Variants in ERC2 observed in about 807,000 individuals in gnomAD.
The protein encoded by ERC2 is ELKS/RAB6-interacting/CAST family member 2.
A neutral mutation model predicts 114.8 loss-of-function variants in ERC2; 42 were observed. That is an observed-to-expected ratio of 0.37 (90% CI 0.29 to 0.47). The LOEUF (loss-of-function observed/expected upper bound fraction) is 0.47, where lower values mean the gene tolerates loss of function less well. ERC2 is among the 20% of genes least tolerant of loss of function. The probability of loss-of-function intolerance (pLI) is 0.99; values close to 1 mark genes in which losing one functional copy is unlikely to be tolerated. For missense variants in ERC2, 939 were observed against 1,150.7 expected (o/e 0.82, Z 2.66); for synonymous variants, 454 against 425.5 (o/e 1.07, Z -0.82).
chr3:55,594,543 G>A (rs952939397), intron 17 of ERC2, among the ~76,000 whole-genome samples: 3 of 151,980 alleles, frequency 2.0e-5, no homozygotes. Flanking sequence ...GTATAGTGGC[G>A]CGATTTTGAC....
At chr3:56,136,239 C>T (rs976356937) in intron 6 of ERC2, among the ~76,000 whole-genome samples, 52 of 152,052 alleles carry the variant, frequency 3.4e-4, no homozygotes, top group African/African-American at 1.1e-3. Flanking sequence ...TAAGCCATGA[C>T]GTCTGTCATT....
At chr3:56,409,198 G>A (rs1256142285) in intron 2 of ERC2, among the ~76,000 whole-genome samples, 1 of 152,212 alleles carries the variant, frequency 6.6e-6, no homozygotes, top group African/African-American at 2.4e-5. Flanking sequence ...TCTGCTCAGA[G>A]TGTATGCGTG....
chr3:56,095,226 G>A (rs536222356), intron 6 of ERC2, among the ~76,000 whole-genome samples: 1 of 152,024 alleles, frequency 6.6e-6, no homozygotes, highest in East Asian at 1.9e-4. Context: ...TAGGACATGG[G>A]CTCAAAAACA....
chr3:56,155,506 CAG>C (rs1560271795), intron 4 of ERC2, among the ~76,000 whole-genome samples: 3 of 152,014 alleles, frequency 2.0e-5, no homozygotes, highest in Admixed American at 6.6e-5. Flanking sequence ...ATCCACTCTC[CAG>C]AATACCAAAT....
intron 3 of ERC2, among the ~76,000 whole-genome samples, chr3:56,271,784 C>T (rs1199618024): frequency 6.6e-6 from 1 of 152,114 alleles, no homozygotes; most frequent in East Asian, 1.9e-4. Flanking sequence ...AAGTAGGTCC[C>T]AGTGTCTATT....
chr3:55,976,956 G>T (rs1318071895), intron 12 of ERC2, among the ~76,000 whole-genome samples: 1 of 152,184 alleles, frequency 6.6e-6, no homozygotes, highest in East Asian at 1.9e-4. Context: ...CTTTATAAAA[G>T]AAGTCAAAGG....
chr3:56,267,397 T>C (rs1235490201), intron 3 of ERC2, among the ~76,000 whole-genome samples: 1 of 152,108 alleles, frequency 6.6e-6, no homozygotes, highest in African/African-American at 2.4e-5. Flanking sequence ...CACTTACATG[T>C]GGAATGTTTT....
In ERC2 at chr3:56,468,426, G is replaced by A. The variant is rs1173263022; in HGVS notation, c.-319C>T. On this transcript the variant is annotated 5_prime_UTR_variant, in exon 1 of 18. Transcript: ENST00000288221. ...CGGGGAACAGGGAGGGAGGAAAGAA[G>A]GGAAGGAGGAGGACACTGCTCGGAG... The A allele has an allele frequency of 6.6e-6, 1 of 152,434 alleles. No homozygotes were observed. Among genetic ancestry groups the A allele is most frequent in the East Asian group, 1.9e-4 (1 of 5,182 alleles). The allele number at this position is 152,434 out of a possible 1,614,324, so 9.4% of individuals were successfully genotyped here.
At chr3:56,384,712 ATTT>A (rs2059874218) in intron 2 of ERC2, among the ~76,000 whole-genome samples, 1 of 152,126 alleles carries the variant, frequency 6.6e-6, no homozygotes, top group African/African-American at 2.4e-5. Flanking sequence ...ATGTAGTTCA[ATTT>A]AACTATTTTT....
intron 3 of ERC2, among the ~76,000 whole-genome samples, chr3:56,243,077 A>G (rs1466212728): frequency 2.0e-5 from 3 of 152,180 alleles, no homozygotes; most frequent in Non-Finnish European, 4.4e-5. Flanking sequence ...TAATACAGAG[A>G]GTACTCCATG....
intron 1 of ERC2, among the ~76,000 whole-genome samples, chr3:56,454,261 A>G (rs188105217): frequency 7.2e-5 from 11 of 152,248 alleles, no homozygotes; most frequent in Admixed American, 5.9e-4. Context: ...CAGTTTCTCC[A>G]CTTACTTAGG....
At chr3:55,775,574 AAATAAAT>A (rs2068536942) in intron 14 of ERC2, among the ~76,000 whole-genome samples, 3 of 150,722 alleles carry the variant, frequency 2.0e-5, no homozygotes, top group Non-Finnish European at 3.0e-5. Context: ...ATAAATAAAT[AAATAAAT>A]AAAAAAGGAA....
intron 12 of ERC2, among the ~76,000 whole-genome samples, chr3:55,961,298 T>A (rs2068343735): frequency 6.6e-6 from 1 of 152,176 alleles, no homozygotes; most frequent in Non-Finnish European, 1.5e-5. Context: ...TTCTAGAAAC[T>A]GTTTACCTCA....
chr3:55,551,007 C>T (rs1441783796), intron 17 of ERC2, among the ~76,000 whole-genome samples: 2 of 143,812 alleles, frequency 1.4e-5, no homozygotes, highest in East Asian at 4.1e-4. Context: ...CAAAGCAAGA[C>T]TCCGTCTCAA....
chr3:56,269,426 C>T (rs898790234), intron 3 of ERC2, among the ~76,000 whole-genome samples: 14 of 152,210 alleles, frequency 9.2e-5, no homozygotes, highest in African/African-American at 3.1e-4. Flanking sequence ...GGTGAGTCTG[C>T]TCAGACCCTC....
At chr3:56,206,548 A>G (rs2048749763) in intron 3 of ERC2, among the ~76,000 whole-genome samples, 1 of 152,234 alleles carries the variant, frequency 6.6e-6, no homozygotes, top group Non-Finnish European at 1.5e-5. Flanking sequence ...GTTAATTTTT[A>G]TCCATTATAA....
At chr3:55,946,768 G>C (rs1229054006) in intron 13 of ERC2, among the ~76,000 whole-genome samples, 1 of 151,986 alleles carries the variant, frequency 6.6e-6, no homozygotes, top group Non-Finnish European at 1.5e-5. Context: ...TGTTCTCCTT[G>C]TCAATGCTCC....
At chr3:55,899,630 G>A (rs544565182) in intron 13 of ERC2, among the ~76,000 whole-genome samples, 5 of 152,248 alleles carry the variant, frequency 3.3e-5, no homozygotes, top group Admixed American at 6.5e-5. Context: ...AAGATTTAAC[G>A]TAAAGGAAAG....
chr3:56,425,193 C>T (rs1044353519), intron 2 of ERC2, among the ~76,000 whole-genome samples: 1 of 152,130 alleles, frequency 6.6e-6, no homozygotes, highest in Non-Finnish European at 1.5e-5. Context: ...CACATAACTG[C>T]CCCAACCATC....
Sources: allele counts gnomAD v4.1 joint callset (sites outside exome capture counted in the v4.1 genomes callset), GRCh38; gene constraint gnomAD v4.1.1; transcripts MANE v1.5; gene names NCBI Gene and HGNC (gene_info 2026-07-23, HGNC 2026-07-21).